The following XPOT variants were observed in gnomAD, a reference collection of about 807,000 sequenced individuals.
XPOT encodes exportin-T.
In XPOT, 34 loss-of-function variants were observed where a neutral mutation model predicts 128.2. The observed-to-expected ratio is 0.27, with a 90% confidence interval of 0.20 to 0.35. The LOEUF (loss-of-function observed/expected upper bound fraction) is 0.35. Ranked by LOEUF, XPOT falls within the 10% of genes least tolerant of loss-of-function variation. The pLI, the probability that XPOT is intolerant of heterozygous loss-of-function variation, is 1.00. For synonymous variants in XPOT, 348 were observed against 394.3 expected, an observed-to-expected ratio of 0.88 and a Z score of 1.39; for missense variants, 838 against 1,125.3, an observed-to-expected ratio of 0.74 and a Z score of 3.65.
chr12:64,405,155 CGTT>C (rs984053918), intron 1 of XPOT: 3 of 152,308 alleles, frequency 2.0e-5, no homozygotes, highest in Non-Finnish European at 4.4e-5. Flanking sequence ...CGTTAGTCAT[CGTT>C]GTAGCGTTAT....
chr12:64,447,426 C>T (rs1235003195), intron 24 of XPOT, among the ~76,000 whole-genome samples: 1 of 152,178 alleles, frequency 6.6e-6, no homozygotes, highest in African/African-American at 2.4e-5. Context: ...TAGTAAATTC[C>T]TTACAGAGTT....
At position 64,437,251 on chromosome 12, in the gene XPOT, C is replaced by T. The variant is rs184725329; in HGVS notation, c.2733+1577C>T. On this transcript the variant is annotated intron_variant, in intron 22 of 24. Transcript: ENST00000332707. ...GGTAAATAAGGCATCCCCCGATACT[C>T]GAGAACTCAGAATCAAGGGAGACCA... Among the ~76,000 whole-genome samples the T allele has an allele frequency of 1.7e-4, 26 of 152,272 alleles. 1 individual carries two copies. Among genetic ancestry groups the T allele is most frequent in the Middle Eastern group, 3.4e-3 (1 of 294 alleles).
chr12:64,441,532 A>C (rs766525574), intron 23 of XPOT, among the ~76,000 whole-genome samples: 3 of 152,166 alleles, frequency 2.0e-5, no homozygotes, highest in Non-Finnish European at 4.4e-5. Context: ...TTGGCTATTC[A>C]GGGCCTTTTG....
chr12:64,413,258 A>C (rs1176952579), intron 2 of XPOT, among the ~76,000 whole-genome samples: 1 of 152,092 alleles, frequency 6.6e-6, no homozygotes, highest in African/African-American at 2.4e-5. Flanking sequence ...GCACGTCACC[A>C]CTTCTGGCTA....
chr12:64,441,562 G>A (rs2040324484), intron 23 of XPOT, among the ~76,000 whole-genome samples: 1 of 152,024 alleles, frequency 6.6e-6, no homozygotes, highest in South Asian at 2.1e-4. Flanking sequence ...GTAAATTCTA[G>A]TTTTGTTTTT....
intron 20 of XPOT, 22 bp from the exon 21 acceptor site, chr12:64,434,772 A>G: frequency 6.2e-7 from 1 of 1,606,030 alleles, no homozygotes; most frequent in Non-Finnish European, 8.5e-7. Context: ...ATATAAGATG[A>G]AAATTTGAAT....
chr12:64,419,923 C>T, intron 6 of XPOT, 147 bp from the exon 7 acceptor site: 2 of 614,106 alleles, frequency 3.3e-6, no homozygotes, highest in Non-Finnish European at 2.6e-6. Context: ...CAAAGAATCA[C>T]AGGATATGAT....
intron 22 of XPOT, among the ~76,000 whole-genome samples, chr12:64,436,241 G>A (rs750710564): frequency 6.6e-6 from 1 of 151,914 alleles, no homozygotes; most frequent in Non-Finnish European, 1.5e-5. Flanking sequence ...GATTACAGGC[G>A]TGAGCCACTG....
At chr12:64,428,026 G>C in intron 15 of XPOT, 25 bp from the exon 16 acceptor site, 1 of 1,455,830 alleles carries the variant, frequency 6.9e-7, no homozygotes, top group East Asian at 2.3e-5. Context: ...GTTATTAATT[G>C]TGATTTCCTT....
intron 5 of XPOT, 63 bp from the exon 6 acceptor site, chr12:64,418,813 A>C (rs796773686): frequency 2.0e-6 from 3 of 1,493,928 alleles, no homozygotes; most frequent in Non-Finnish European, 2.8e-6. Context: ...TAATAAGACA[A>C]CTGGTGTTTC....
chr12:64,411,509 A>G (rs6581561), intron 2 of XPOT, among the ~76,000 whole-genome samples: 66,370 of 152,022 alleles, frequency 0.44, 16,505 homozygotes, highest in Non-Finnish European at 0.56. Context: ...TAAAACCAAT[A>G]CATTATTAGT....
At chr12:64,423,544 C>G (rs2136022224) in intron 11 of XPOT, among the ~76,000 whole-genome samples, 1 of 152,242 alleles carries the variant, frequency 6.6e-6, no homozygotes, top group Admixed American at 6.5e-5. Context: ...TCCTCTGCCT[C>G]CTGGGTTCAA....
At position 64,425,823 on chromosome 12, in the gene XPOT, C is replaced by G. The variant is rs750744604; in HGVS notation, c.1581C>G (p.Phe527Leu). 6.8e-6 allele frequency: 11 copies of G among 1,613,764 alleles called. No individual in the cohort carries two copies. The highest frequency in any genetic ancestry group is 9.3e-6 in the Non-Finnish European group (11 of 1,179,938). The change falls in exon 15 of 25, where the codon TTC (phenylalanine) becomes TTG (leucine). Residue 527 changes from phenylalanine to leucine, a missense_variant. Physicochemically the swap from Phe to Leu is conservative, Grantham distance 22 (BLOSUM62 0). Coordinates refer to ENST00000332707, the MANE Select transcript of XPOT (RefSeq NM_007235.6). ...PQHIPCVLMA[F>L]LDHRGLRHSS... Reference sequence around the variant, plus strand: ...AGTGTCTCCTTCTTTAGATGGCTTTCTTAGATCACAGAGGTCTGCGGCATT... The same window carrying G: ...AGTGTCTCCTTCTTTAGATGGCTTTGTTAGATCACAGAGGTCTGCGGCATT...
At chr12:64,418,409 A>G (rs1203068470) in intron 5 of XPOT, among the ~76,000 whole-genome samples, 1 of 152,202 alleles carries the variant, frequency 6.6e-6, no homozygotes, top group African/African-American at 2.4e-5. Flanking sequence ...TGGCTCTTAA[A>G]GGTGAGCCCT....
At chr12:64,445,935 G>A (rs924816636) in intron 24 of XPOT, among the ~76,000 whole-genome samples, 1 of 152,206 alleles carries the variant, frequency 6.6e-6, no homozygotes. Flanking sequence ...AGAGGGCTTT[G>A]CGCAGTAAAT....
At chr12:64,421,623 A>G (rs1041272135) in intron 9 of XPOT, 152 bp downstream of exon 9, 9 of 582,724 alleles carry the variant, frequency 1.5e-5, no homozygotes, top group Non-Finnish European at 2.3e-5. Flanking sequence ...TCCATCTTAA[A>G]AAAAAAAGAA....
chr12:64,414,843 T>A, intron 2 of XPOT, 64 bp from the exon 3 acceptor site: 1 of 986,382 alleles, frequency 1.0e-6, no homozygotes, highest in Non-Finnish European at 1.6e-6. Context: ...AATATTTTGT[T>A]TATATTAGCA....
Position 64,419,077 on chromosome 12 carries a change from G to A in XPOT, c.472G>A (p.Val158Met), listed in dbSNP as rs755625765. 2 of 1,614,088 alleles carry A rather than the reference G, an allele frequency of 1.2e-6. No homozygotes were observed. The highest frequency in any genetic ancestry group is 1.7e-5 in the Admixed American group (1 of 60,012). Residue 158 changes from valine (V) to methionine (M), a missense_variant, in exon 6 of 25, where the codon GTG (valine) becomes ATG (methionine). By Grantham distance (21) the Val-to-Met change is conservative. This residue lies in a region of XPOT where 761 missense variants were observed against 988.3 expected (regional missense o/e 0.77). Coordinates refer to ENST00000332707, the MANE Select transcript of XPOT (RefSeq NM_007235.6). ...AIDSELVDRD[V>M]VHTSEEARRN... ...TGATTCAGAGTTGGTGGATCGTGAT[G>A]TGGTGCATACATCAGAGGCAAGTAA...
At chr12:64,438,598 A>G (rs1388410444) in intron 22 of XPOT, among the ~76,000 whole-genome samples, 1 of 152,118 alleles carries the variant, frequency 6.6e-6, no homozygotes, top group Non-Finnish European at 1.5e-5. Flanking sequence ...TGGTAGTGCA[A>G]GGAAGAGTAC....
Sources: allele counts gnomAD v4.1 joint callset (sites outside exome capture counted in the v4.1 genomes callset), GRCh38; gene constraint gnomAD v4.1.1; regional missense constraint gnomAD v4.1.1; transcripts MANE v1.5; gene names NCBI Gene and HGNC (gene_info 2026-07-23, HGNC 2026-07-21).